SZT2: variants seen among roughly 807,000 people sequenced by gnomAD.
The protein encoded by SZT2 is KICSTOR complex protein SZT2.
A neutral mutation model predicts 404.2 loss-of-function variants in SZT2; 216 were observed. That is an observed-to-expected ratio of 0.53 (90% CI 0.48 to 0.60). The LOEUF (loss-of-function observed/expected upper bound fraction) is 0.60, where lower values mean the gene tolerates loss of function less well. Ranked by LOEUF, SZT2 falls within the 20% of genes least tolerant of loss-of-function variation. The pLI is 0.00. For synonymous variants in SZT2, 1,693 were observed against 1,749.9 expected (o/e 0.97, Z 0.81); for missense variants, 3,857 against 4,459.2 (o/e 0.86, Z 3.85).
In SZT2 at chr1:43,424,534, T is replaced by G. The variant is rs538680696; in HGVS notation, c.2471+102T>G. 20 of 1,238,460 alleles carry G rather than the reference T, an allele frequency of 1.6e-5. No individual in the cohort carries two copies. In the Admixed American group the frequency reaches 2.5e-4, roughly 16 times the overall value. The allele number at this position is 1,238,460 out of a possible 1,614,324, so 76.7% of individuals were successfully genotyped here. On this transcript the variant is annotated intron_variant, in intron 16 of 71. Transcript: ENST00000634258. The surrounding 1 kb of genome is among the most constrained non-coding windows in gnomAD (Gnocchi z 4.1). Reference sequence around the variant, plus strand: ...ATAGCACACACTTCTCCTCTCTAATTCCCAGTCTGAAGTATAGAGCAGCAT... The same window carrying G: ...ATAGCACACACTTCTCCTCTCTAATGCCCAGTCTGAAGTATAGAGCAGCAT...
At chr1:43,414,936 A>G in intron 4 of SZT2, 146 bp from the exon 5 acceptor site, 5 of 968,154 alleles carry the variant, frequency 5.2e-6, no homozygotes, top group Non-Finnish European at 7.3e-6. Context: ...TAAGGGGGAA[A>G]TTGGCTGTGG....
chr1:43,427,666 A>C lies in SZT2; in HGVS notation c.3735A>C (p.Ser1245=). ...TRCPVYIYSC[S]LEALREQMVG... is the part of the protein sequence containing the mutation. ...GTCCTGTCTACATCTACAGCTGTTCACTGGAAGCGCTGAGGGAACAAATGG... is the reference window on the plus strand; with the variant it reads ...GTCCTGTCTACATCTACAGCTGTTCCCTGGAAGCGCTGAGGGAACAAATGG... Residue 1245 remains serine, a synonymous_variant, in exon 26 of 72, where the codon TCA becomes TCC. Coordinates refer to ENST00000634258, the MANE Select transcript of SZT2 (RefSeq NM_001365999.1). 1.2e-6 allele frequency: 2 copies of C among 1,614,100 alleles called. No homozygotes were observed. The highest frequency in any genetic ancestry group is 1.7e-6 in the Non-Finnish European group (2 of 1,180,030).
rs200440290 is a variant in SZT2, at chr1:43,446,031, C to G, written c.8916+47C>G. ...AAGTTACTGATGCTAAATTACTTTC[C>G]CACGGCCTGAGGTCATTGACCCTGA... On this transcript the variant is annotated intron_variant, in intron 63 of 71. Transcript: ENST00000634258. The G allele has an allele frequency of 3.6e-5, 58 of 1,604,954 alleles. No homozygotes were observed. In the East Asian group the frequency reaches 1.2e-3, roughly 33 times the overall value.
In SZT2 at chr1:43,437,011, C is replaced by G. The variant is rs1410382169; in HGVS notation, c.6035-160C>G. 1.1e-6 allele frequency: 1 copy of G among 902,672 alleles called. No individual in the cohort carries two copies. The highest frequency in any genetic ancestry group is 1.7e-5 in the African/African-American group (1 of 59,992). The allele number at this position is 902,672 out of a possible 1,614,324, so 55.9% of individuals were successfully genotyped here. A position where few individuals can be genotyped will look rare whatever the true frequency, so the allele number is the denominator to read the frequency against. ...CTGTGTTCCTAAGGGCATGCATCTG[C>G]CTGGCCCTGTCGTGTTACCCAGAAT... On this transcript the variant is annotated intron_variant, in intron 42 of 71. Coordinates refer to ENST00000634258, the MANE Select transcript of SZT2 (RefSeq NM_001365999.1). This position sits in a 1 kb window ranked among gnomAD's most constrained non-coding sequence, Gnocchi z 5.3.
At position 43,441,388 on chromosome 1, in the gene SZT2, T is replaced by C. The variant is rs1557590753; in HGVS notation, c.7511+8T>C. Reference sequence around the variant, plus strand: ...TGGAGCCCAGAGACAAAAGTATGTGTGTGGTGGTGGTGTGCCCTGGGAGGG... The same window carrying C: ...TGGAGCCCAGAGACAAAAGTATGTGCGTGGTGGTGGTGTGCCCTGGGAGGG... On this transcript the variant is annotated splice_region_variant and intron_variant, in intron 53 of 71. Transcript: ENST00000634258. The surrounding 1 kb of genome is among the most constrained non-coding windows in gnomAD (Gnocchi z 4.8). 1 of 1,613,834 alleles carries C rather than the reference T, an allele frequency of 6.2e-7. No individual in the cohort carries two copies.
At position 43,421,414 on chromosome 1, in the gene SZT2, C is replaced by G. The variant is rs1281953048; in HGVS notation, c.1626+111C>G. 3.5e-6 allele frequency: 5 copies of G among 1,446,634 alleles called. No individual in the cohort carries two copies. In the East Asian group the frequency reaches 6.9e-5, roughly 20 times the overall value. 89.6% of individuals were successfully genotyped at this position (1,446,634 alleles called of 1,614,324 possible). On this transcript the variant is annotated intron_variant, in intron 11 of 71. Transcript: ENST00000634258. ...CCTTTCTGTCTCACGTCTAAGGCAC[C>G]TAAGCCAGAAGCCCAAGCTTTAACC... is the stretch of plus-strand genomic sequence containing the variant.
rs898241575 is a variant in SZT2 at position 43,437,510 on chromosome 1, T to A, written c.6290+2T>A. 6.2e-7 allele frequency: 1 copy of A among 1,614,066 alleles called. No homozygotes were observed. Among genetic ancestry groups the A allele is most frequent in the Non-Finnish European group, 8.5e-7 (1 of 1,180,008 alleles). On this transcript the variant is annotated splice_donor_variant, in intron 44 of 71. Coordinates refer to ENST00000634258, the MANE Select transcript of SZT2 (RefSeq NM_001365999.1). LOFTEE classifies it high-confidence loss of function. This position sits in a 1 kb window ranked among gnomAD's most constrained non-coding sequence, Gnocchi z 5.3. ...AACAAAGGCTGTGTACTATCTTCGGTATGTGGCCCTTGGAAGGTGGGTAGG... is the reference window on the plus strand; with the variant it reads ...AACAAAGGCTGTGTACTATCTTCGGAATGTGGCCCTTGGAAGGTGGGTAGG...
chr1:43,430,972 G>T lies in SZT2; in HGVS notation c.4798G>T (p.Gly1600Cys). Residue 1600 changes from glycine to cysteine, a missense_variant, in exon 33 of 72, where the codon GGC becomes TGC. Physicochemically the swap from Gly to Cys is radical, Grantham distance 159 (BLOSUM62 -3). Transcript: ENST00000634258. Reference protein sequence around the residue: ...CLGQVLSSLEGPPVGGRVPLR... With the variant: ...CLGQVLSSLECPPVGGRVPLR... ...AGGCCAGGTGCTTTCCAGTCTGGAG[G>T]GCCCCCCAGTTGGAGGCCGAGTTCC... 6.2e-7 allele frequency: 1 copy of T among 1,613,912 alleles called. No individual in the cohort carries two copies. Among genetic ancestry groups the T allele is most frequent in the Non-Finnish European group, 8.5e-7 (1 of 1,179,964 alleles).
intron 65 of SZT2, 177 bp downstream of exon 65, chr1:43,446,593 T>C: frequency 4.0e-6 from 3 of 750,488 alleles, no homozygotes. Flanking sequence ...CTGCACTCAC[T>C]ACAAGGCTGA....
chr1:43,442,039 G>A lies in SZT2; in HGVS notation c.7782G>A (p.Gly2594=), dbSNP rs1324800413. The A allele has an allele frequency of 6.8e-6, 11 of 1,614,046 alleles. No individual in the cohort carries two copies. Among genetic ancestry groups the A allele is most frequent in the Non-Finnish European group, 9.3e-6 (11 of 1,179,996 alleles). The change falls in exon 56 of 72, where the codon GGG becomes GGA. Residue 2594 remains glycine, a synonymous_variant. Transcript: ENST00000634258. The surrounding 1 kb of genome is among the most constrained non-coding windows in gnomAD (Gnocchi z 4.5). ...EPEIFGPCSP[G]QLGPSPRPAA... is the part of the protein sequence containing the mutation. ...AGATCTTCGGCCCTTGTTCCCCTGGGCAACTGGGCCCCTCTCCCCGCCCTG... is the reference window on the plus strand; with the variant it reads ...AGATCTTCGGCCCTTGTTCCCCTGGACAACTGGGCCCCTCTCCCCGCCCTG...
chr1:43,403,665 C>G lies in SZT2; in HGVS notation c.218C>G (p.Pro73Arg), dbSNP rs777104310. ...VLPPGWQPDE[P>R]VVPRPFLLVP... ...CCCCCTGGGTGGCAGCCAGATGAAC[C>G]AGTGGTCCCAAGGCCATTCCTCCTG... The change falls in exon 3 of 72, where the codon CCA becomes CGA. Residue 73 changes from proline (P) to arginine (R), a missense_variant. Pro to Arg is a moderately radical substitution (Grantham distance 103). Coordinates refer to ENST00000634258, the MANE Select transcript of SZT2 (RefSeq NM_001365999.1). 6.2e-7 allele frequency: 1 copy of G among 1,614,120 alleles called. No homozygotes were observed. The highest frequency in any genetic ancestry group is 1.1e-5 in the South Asian group (1 of 91,068).
intron 1 of SZT2, among the ~76,000 whole-genome samples, chr1:43,398,994 C>G (rs1649332166): frequency 1.3e-5 from 2 of 151,860 alleles, no homozygotes; most frequent in South Asian, 4.1e-4. Context: ...GTGGGAGAAT[C>G]GCTTGAACTG....
rs556736033 is a variant in SZT2, at chr1:43,430,732, G to A, written c.4717G>A (p.Val1573Met). ...PPLFLHLTCS[V>M]RLRGQHSSVP... ...GCTCTTCCTGCACCTCACGTGCTCC[G>A]TGCGGCTACGTGGGCAGCACAGCTC... Residue 1573 changes from valine to methionine, a missense_variant, in exon 32 of 72, where the codon GTG becomes ATG. By Grantham distance (21) the Val-to-Met change is conservative (BLOSUM62 1). Transcript: ENST00000634258. 3.1e-5 allele frequency: 50 copies of A among 1,612,994 alleles called. 1 individual carries two copies. The highest frequency in any genetic ancestry group is 1.8e-4 in the South Asian group (16 of 91,082).
Position 43,407,527 on chromosome 1 carries a change from A to C in SZT2, c.498+2977A>C, listed in dbSNP as rs976180862. Among the ~76,000 whole-genome samples the C allele has an allele frequency of 4.6e-5, 7 of 151,896 alleles. No individual in the cohort carries two copies. The East Asian group carries it at 5.8e-4, about 13-fold the overall frequency. The stretch of plus-strand genomic sequence containing the variant: ...TGAGACTCTGTCTCCAAAAAAAAAA[A>C]CAAGATATATCCTGTTAAATCACAG... On this transcript the variant is annotated intron_variant, in intron 4 of 71. Transcript: ENST00000634258.
At position 43,453,875 on chromosome 1, in the gene SZT2, GCTCTCCTT is replaced by G; in HGVS notation, c.*3396_*3403del. The G allele has an allele frequency of 8.2e-7, 1 of 1,221,852 alleles. No homozygotes were observed. The highest frequency in any genetic ancestry group is 1.0e-6 in the Non-Finnish European group (1 of 984,230). The allele number at this position is 1,221,852 out of a possible 1,614,324, so 75.7% of individuals were successfully genotyped here. A position where few individuals can be genotyped will look rare whatever the true frequency, so the allele number is the denominator to read the frequency against. The stretch of plus-strand genomic sequence containing the variant: ...GCGGCGGGCGGCGGGCGGGGGCGGG[GCTCTCCTT>G]GCTGGCCCTGCGAACGAACGAGCAC... On this transcript the variant is annotated 3_prime_UTR_variant, in exon 72 of 72. Transcript: ENST00000634258.
rs753698786 is a variant in SZT2 at position 43,453,748 on chromosome 1, C to T, written c.*3268C>T. On this transcript the variant is annotated 3_prime_UTR_variant, in exon 72 of 72. Transcript: ENST00000634258. Reference sequence around the variant, plus strand: ...ACCCGCGCGGGGAGGCCGGAGAGCTCGGGGAATAGCCAGGACAGATTGGCG... The same window carrying T: ...ACCCGCGCGGGGAGGCCGGAGAGCTTGGGGAATAGCCAGGACAGATTGGCG... The T allele has an allele frequency of 1.4e-6, 2 of 1,381,798 alleles. No individual in the cohort carries two copies. Among genetic ancestry groups the T allele is most frequent in the Non-Finnish European group, 9.3e-7 (1 of 1,079,806 alleles). The allele number at this position is 1,381,798 out of a possible 1,614,324, so 85.6% of individuals were successfully genotyped here.
Position 43,443,737 on chromosome 1 carries a change from G to A in SZT2, c.8766G>A (p.Gln2922=), listed in dbSNP as rs1480297530. 5 of 1,614,122 alleles carry A rather than the reference G, an allele frequency of 3.1e-6. No homozygotes were observed. The South Asian group carries it at 5.5e-5, about 18-fold the overall frequency. The change falls in exon 62 of 72, where the codon CAG becomes CAA. Residue 2922 remains glutamine, a synonymous_variant. Transcript: ENST00000634258. ...LSLAFLQQYV[Q]YLQSIGFVLV... is the part of the protein sequence containing the mutation. The stretch of plus-strand genomic sequence containing the variant: ...TGGCTTTCCTGCAGCAATATGTGCA[G>A]TATCTGCAGAGCATAGGTTTTGTGC...
chr1:43,420,666 T>G lies in SZT2; in HGVS notation c.1262-83T>G. ...TTTGGCAGGACTGGGTTCCATGAGGTAGGTGGGGGTTTCAGATAGAACTCG... is the reference window on the plus strand; with the variant it reads ...TTTGGCAGGACTGGGTTCCATGAGGGAGGTGGGGGTTTCAGATAGAACTCG... On this transcript the variant is annotated intron_variant, in intron 9 of 71. Coordinates refer to ENST00000634258, the MANE Select transcript of SZT2 (RefSeq NM_001365999.1). The surrounding 1 kb of genome is among the most constrained non-coding windows in gnomAD (Gnocchi z 5.1). 7.6e-7 allele frequency: 1 copy of G among 1,321,462 alleles called. No homozygotes were observed. Among genetic ancestry groups the G allele is most frequent in the Non-Finnish European group, 1.0e-6 (1 of 954,970 alleles). The allele number at this position is 1,321,462 out of a possible 1,614,324, so 81.9% of individuals were successfully genotyped here.
At chr1:43,423,582 G>C (rs552354614) in intron 15 of SZT2, among the ~76,000 whole-genome samples, 27 of 147,594 alleles carry the variant, frequency 1.8e-4, no homozygotes, top group South Asian at 1.7e-3. Flanking sequence ...GAAGGGCATG[G>C]CTTAGCGGGG....
Sources: allele counts gnomAD v4.1 joint callset (sites outside exome capture counted in the v4.1 genomes callset), GRCh38; gene constraint gnomAD v4.1.1; non-coding constraint Gnocchi (gnomAD v3.1); transcripts MANE v1.5; gene names NCBI Gene and HGNC (gene_info 2026-07-23, HGNC 2026-07-21).